WHAMM: variants seen among roughly 807,000 people sequenced by gnomAD.
The protein encoded by WHAMM is WASP homolog-associated protein with actin, membranes and microtubules.
Under a neutral mutation model 76.5 loss-of-function variants are expected in WHAMM, and 67 were observed. The ratio of observed to expected loss-of-function variants is 0.88; its 90% CI spans 0.72 to 1.07. The LOEUF (loss-of-function observed/expected upper bound fraction) is 1.07. WHAMM is among the 50% of genes least tolerant of loss of function. The pLI is 0.00. For missense variants in WHAMM, 1,021 were observed against 1,051.1 expected (o/e 0.97, Z 0.40); for synonymous variants, 419 against 422.1 (o/e 0.99, Z 0.09).
In WHAMM at chr15:82,823,270, T is replaced by G. The variant is rs1272276869; in HGVS notation, c.1441T>G (p.Ser481Ala). 3 of 1,527,014 alleles carry G rather than the reference T, an allele frequency of 2.0e-6. No homozygotes were observed. The highest frequency in any genetic ancestry group is 2.6e-6 in the Non-Finnish European group (3 of 1,132,722). 94.6% of individuals were successfully genotyped at this position (1,527,014 alleles called of 1,614,324 possible). The change falls in exon 6 of 10, where the codon TCT (serine) becomes GCT (alanine). Residue 481 changes from serine (S) to alanine (A), a missense_variant. Transcript: ENST00000286760. ...KRGRICAKRA[S>A]LRSRKDQCKE... ...GGGCAGGATCTGTGCCAAAAGAGCC[T>G]CTCTCCGGAGTAGAAAGGTAGGTAC...
In WHAMM at chr15:82,826,495, T is replaced by C. The variant is rs2050936685; in HGVS notation, c.1544T>C (p.Met515Thr). The C allele has an allele frequency of 6.2e-7, 1 of 1,613,330 alleles. No individual in the cohort carries two copies. The change falls in exon 7 of 10, where the codon ATG (methionine) becomes ACG (threonine). Residue 515 changes from methionine (M) to threonine (T), a missense_variant and splice_region_variant. Coordinates refer to ENST00000286760, the MANE Select transcript of WHAMM (RefSeq NM_001080435.3). ...TCTCGTCAGCATCACAGTATTCAGA[T>C]GGTGAGTCTCCTCCGAAGGAAAATG... The part of the protein sequence containing the change: ...RYSRQHHSIQ[M>T]KRDKIKEEEQ...
At chr15:82,825,907 A>G (rs1477751108) in intron 6 of WHAMM, among the ~76,000 whole-genome samples, 1 of 152,212 alleles carries the variant, frequency 6.6e-6, no homozygotes, top group East Asian at 1.9e-4. Context: ...TGTTAGTATT[A>G]TCTGTATTAC....
In WHAMM at chr15:82,830,648, C is replaced by A; in HGVS notation, c.1691C>A (p.Ala564Asp). Reference sequence around the variant, plus strand: ...AACACCTCTGGCTCAGAACCTGTGGCTCCAAACCTGCCAAGTGATCTTTCC... The same window carrying A: ...AACACCTCTGGCTCAGAACCTGTGGATCCAAACCTGCCAAGTGATCTTTCC... ...VRNTSGSEPV[A>D]PNLPSDLSQQ... The change falls in exon 9 of 10, where the codon GCT (alanine) becomes GAT (aspartate). Residue 564 changes from alanine (A) to aspartate (D), a missense_variant. Coordinates refer to ENST00000286760, the MANE Select transcript of WHAMM (RefSeq NM_001080435.3). The A allele has an allele frequency of 3.1e-6, 5 of 1,613,944 alleles. No homozygotes were observed. Among genetic ancestry groups the A allele is most frequent in the Non-Finnish European group, 4.2e-6 (5 of 1,179,888 alleles).
Position 82,828,842 on chromosome 15 carries a change from G to C in WHAMM, c.1642-1757G>C, listed in dbSNP as rs113333534. On this transcript the variant is annotated intron_variant, in intron 8 of 9. Coordinates refer to ENST00000286760, the MANE Select transcript of WHAMM (RefSeq NM_001080435.3). ...ATGGGGTGATAGGAAAGTCTGTGTGGCTTAAATTTTGGGTAAAAGAATTTA... is the reference window on the plus strand; with the variant it reads ...ATGGGGTGATAGGAAAGTCTGTGTGCCTTAAATTTTGGGTAAAAGAATTTA... Among the ~76,000 whole-genome samples, 107 of 152,186 alleles carry C rather than the reference G, an allele frequency of 7.0e-4. 2 individuals carry two copies. The highest frequency in any genetic ancestry group is 2.1e-4 in the Non-Finnish European group (14 of 68,046).
At chr15:82,819,593 TAA>T (rs2050785607) in intron 5 of WHAMM, 105 bp downstream of exon 5, 1 of 612,012 alleles carries the variant, frequency 1.6e-6, no homozygotes, top group Non-Finnish European at 2.5e-6. Context: ...GAAAATTTCC[TAA>T]AGTTTTCCTT....
At chr15:82,820,398 G>A (rs2050799851) in intron 5 of WHAMM, among the ~76,000 whole-genome samples, 1 of 152,090 alleles carries the variant, frequency 6.6e-6, no homozygotes, top group Non-Finnish European at 1.5e-5. Context: ...CTTTACACAT[G>A]TCTTTGAGTA....
intron 2 of WHAMM, among the ~76,000 whole-genome samples, chr15:82,815,930 C>T: frequency 6.6e-6 from 1 of 152,150 alleles, no homozygotes; most frequent in Admixed American, 6.5e-5. Flanking sequence ...GGCTTATAAA[C>T]AACAAAACTT....
At chr15:82,817,171 G>A (rs1312989841) in intron 3 of WHAMM, among the ~76,000 whole-genome samples, 3 of 152,192 alleles carry the variant, frequency 2.0e-5, no homozygotes, top group Non-Finnish European at 1.5e-5. Context: ...AATATCTGAA[G>A]GGTAAATGGA....
chr15:82,830,056 C>T (rs2051000568), intron 8 of WHAMM, among the ~76,000 whole-genome samples: 1 of 152,158 alleles, frequency 6.6e-6, no homozygotes, highest in African/African-American at 2.4e-5. Flanking sequence ...ACTTGGATGT[C>T]GACTGTGCTG....
chr15:82,819,497 T>A lies in WHAMM; in HGVS notation c.1270+9T>A. 8.4e-7 allele frequency: 1 copy of A among 1,187,620 alleles called. No individual in the cohort carries two copies. Among genetic ancestry groups the A allele is most frequent in the South Asian group, 1.7e-5 (1 of 58,808 alleles). 73.6% of individuals were successfully genotyped at this position (1,187,620 alleles called of 1,614,324 possible). A position where few individuals can be genotyped will look rare whatever the true frequency, so the allele number is the denominator to read the frequency against. The stretch of plus-strand genomic sequence containing the variant: ...TAAAAGACTTATAAAAGGTAAAATT[T>A]AAGTATATAGATTGCAATGTTTAAA... On this transcript the variant is annotated intron_variant, in intron 5 of 9. Coordinates refer to ENST00000286760, the MANE Select transcript of WHAMM (RefSeq NM_001080435.3).
In WHAMM at chr15:82,810,146, G is replaced by T. The variant is rs754251894; in HGVS notation, c.420G>T (p.Ala140=). 5.8e-6 allele frequency: 8 copies of T among 1,371,006 alleles called. No homozygotes were observed. The South Asian group carries it at 7.5e-5, about 13-fold the overall frequency. 84.9% of individuals were successfully genotyped at this position (1,371,006 alleles called of 1,614,324 possible). ...LWPTRAGPGE[A]ALQELCGQLE... ...CGACGCGCGCGGGTCCCGGCGAGGC[G>T]GCGCTGCAGGAGCTGTGCGGGCAGC... The change falls in exon 1 of 10, where the codon GCG becomes GCT. Residue 140 remains alanine, a synonymous_variant. Transcript: ENST00000286760.
Position 82,809,832 on chromosome 15 carries a change from G to C in WHAMM, c.106G>C (p.Gly36Arg), listed in dbSNP as rs1435322360. The part of the protein sequence containing the change: ...HRLRFLVAWN[G>R]AEGKFAVTCH... ...GCTGCGCTTCCTGGTGGCCTGGAACGGCGCGGAGGGCAAGTTCGCTGTGAC... is the reference window on the plus strand; with the variant it reads ...GCTGCGCTTCCTGGTGGCCTGGAACCGCGCGGAGGGCAAGTTCGCTGTGAC... Residue 36 changes from glycine (G) to arginine (R), a missense_variant, in exon 1 of 10, where the codon GGC becomes CGC. Around this residue, in one of 3 missense-constraint regions of WHAMM, gnomAD observed 501 missense variants for 524.9 expected, o/e 0.95. Transcript: ENST00000286760. 1 of 1,605,248 alleles carries C rather than the reference G, an allele frequency of 6.2e-7. No homozygotes were observed. Among genetic ancestry groups the C allele is most frequent in the Non-Finnish European group, 8.5e-7 (1 of 1,176,932 alleles).
At chr15:82,816,637 A>G in intron 2 of WHAMM, 55 bp from the exon 3 acceptor site, 2 of 1,475,278 alleles carry the variant, frequency 1.4e-6, no homozygotes, top group Admixed American at 2.7e-5. Context: ...CAATTTCCTA[A>G]TGGCTCTACA....
chr15:82,819,244 A>C, intron 4 of WHAMM, 79 bp from the exon 5 acceptor site: 2 of 548,892 alleles, frequency 3.6e-6, no homozygotes, highest in Non-Finnish European at 5.6e-6. Flanking sequence ...GGAATAGAAA[A>C]TAGCTAGAAT....
Position 82,818,694 on chromosome 15 carries a change from C to T in WHAMM, c.1104+605C>T, listed in dbSNP as rs375349354. Among the ~76,000 whole-genome samples the T allele has an allele frequency of 3.3e-5, 5 of 152,316 alleles. No individual in the cohort carries two copies. In the East Asian group the frequency reaches 9.6e-4, roughly 29 times the overall value. ...TTTAAAGCAGAAAACACTGTAAACA[C>T]CTGTCTTAGTTGGCTCAGGCTTCTA... On this transcript the variant is annotated intron_variant, in intron 4 of 9. Transcript: ENST00000286760.
Position 82,810,236 on chromosome 15 carries a change from C to G in WHAMM, c.510C>G (p.Phe170Leu), listed in dbSNP as rs930905345. 3.5e-6 allele frequency: 5 copies of G among 1,408,660 alleles called. No individual in the cohort carries two copies. The highest frequency in any genetic ancestry group is 1.5e-5 in the African/African-American group (1 of 66,550). The allele number at this position is 1,408,660 out of a possible 1,614,324, so 87.3% of individuals were successfully genotyped here. The change falls in exon 1 of 10, where the codon TTC (phenylalanine) becomes TTG (leucine). Residue 170 changes from phenylalanine to leucine, a missense_variant. Transcript: ENST00000286760. ...GCGCCACAGTGCGCGACGCACTCTTCCCGGCTGAGGGCGGCGCGGCCGACT... is the reference window on the plus strand; with the variant it reads ...GCGCCACAGTGCGCGACGCACTCTTGCCGGCTGAGGGCGGCGCGGCCGACT... ...CGGATVRDALFPAEGGAADCE... is the reference protein window; with the variant it reads ...CGGATVRDALLPAEGGAADCE...
intron 2 of WHAMM, among the ~76,000 whole-genome samples, chr15:82,815,130 T>C (rs1566991896): frequency 3.4e-5 from 1 of 29,088 alleles, no homozygotes; most frequent in Non-Finnish European, 5.9e-5. Flanking sequence ...TATATATATA[T>C]ATATATATAT....
chr15:82,810,217 C>G lies in WHAMM; in HGVS notation c.491C>G (p.Thr164Arg), dbSNP rs1348586064. Residue 164 changes from threonine (T) to arginine (R), a missense_variant, in exon 1 of 10, where the codon ACA becomes AGA. Thr to Arg is a moderately conservative substitution (Grantham distance 71). Coordinates refer to ENST00000286760, the MANE Select transcript of WHAMM (RefSeq NM_001080435.3). ...GAAADGCGGATVRDALFPAEG... is the reference protein window; with the variant it reads ...GAAADGCGGARVRDALFPAEG... ...GCGGCCGACGGCTGCGGCGGCGCCACAGTGCGCGACGCACTCTTCCCGGCT... is the reference window on the plus strand; with the variant it reads ...GCGGCCGACGGCTGCGGCGGCGCCAGAGTGCGCGACGCACTCTTCCCGGCT... 1.4e-5 allele frequency: 20 copies of G among 1,412,660 alleles called. No homozygotes were observed. The East Asian group carries it at 3.5e-4, about 25-fold the overall frequency. 87.5% of individuals were successfully genotyped at this position (1,412,660 alleles called of 1,614,324 possible). A position where few individuals can be genotyped will look rare whatever the true frequency, so the allele number is the denominator to read the frequency against.
Position 82,813,264 on chromosome 15 carries a change from G to T in WHAMM, c.771G>T (p.Lys257Asn). The change falls in exon 2 of 10, where the codon AAG becomes AAT. Residue 257 changes from lysine to asparagine, a missense_variant. Lys to Asn is a moderately conservative substitution (Grantham distance 94). This residue lies in a region of WHAMM where 501 missense variants were observed against 524.9 expected (regional missense o/e 0.95). Coordinates refer to ENST00000286760, the MANE Select transcript of WHAMM (RefSeq NM_001080435.3). ...RAMREVATLCKLDILKSLDED... is the reference protein window; with the variant it reads ...RAMREVATLCNLDILKSLDED... ...TGCGAGAAGTTGCAACTTTATGTAA[G>T]CTTGATATTTTGGTATGTTTTTTTA... The T allele has an allele frequency of 6.4e-7, 1 of 1,552,724 alleles. No homozygotes were observed. The highest frequency in any genetic ancestry group is 8.7e-7 in the Non-Finnish European group (1 of 1,153,362).
Sources: gnomAD v4.1 joint callset for allele counts (sites outside exome capture counted in the v4.1 genomes callset) on GRCh38, gnomAD v4.1.1 for gene constraint, gnomAD v4.1.1 regional missense constraint, MANE v1.5 for transcripts, NCBI Gene and HGNC (gene_info 2026-07-23, HGNC 2026-07-21) for gene names.